Variants in APBA1 observed in about 807,000 individuals in gnomAD.
APBA1 encodes the protein amyloid-beta A4 precursor protein-binding family A member 1.
A neutral mutation model predicts 86.6 loss-of-function variants in APBA1; 55 were observed. The observed-to-expected ratio is 0.64, with a 90% CI of 0.51 to 0.80. The LOEUF (loss-of-function observed/expected upper bound fraction) is 0.80, where lower values mean the gene tolerates loss of function less well. Among genes scored for constraint, APBA1 ranks in the 30% least tolerant of loss-of-function variants. The pLI, the probability that APBA1 is intolerant of heterozygous loss-of-function variation, is 0.00. For synonymous variants in APBA1, 511 were observed against 493.9 expected, an observed-to-expected ratio of 1.03 and a Z score of -0.46; for missense variants, 1,090 against 1,183.0, an observed-to-expected ratio of 0.92 and a Z score of 1.15.
intron 1 of APBA1, among the ~76,000 whole-genome samples, chr9:69,540,695 C>T (rs1836591919): frequency 6.6e-6 from 1 of 152,152 alleles, no homozygotes; most frequent in Admixed American, 6.5e-5. Context: ...GATCTCCTGG[C>T]TCAAGCGGTT....
intron 1 of APBA1, among the ~76,000 whole-genome samples, chr9:69,644,345 T>G (rs1390929223): frequency 6.6e-6 from 1 of 152,182 alleles, no homozygotes; most frequent in Non-Finnish European, 1.5e-5. Context: ...AGTCCATATA[T>G]CTCCACTGAT....
chr9:69,502,893 C>G (rs1049405647), intron 2 of APBA1, among the ~76,000 whole-genome samples: 2 of 152,094 alleles, frequency 1.3e-5, no homozygotes, highest in African/African-American at 2.4e-5. Context: ...CTCCTGAACT[C>G]TTCAGATTTT....
In APBA1 at chr9:69,431,323, G is replaced by A. The variant is rs369787391; in HGVS notation, c.*4C>T. 298 of 1,600,038 alleles carry A rather than the reference G, an allele frequency of 1.9e-4. 2 individuals carry two copies. Among genetic ancestry groups the A allele is most frequent in the South Asian group, 9.9e-4 (88 of 88,944 alleles). On this transcript the variant is annotated 3_prime_UTR_variant, in exon 13 of 13. Coordinates refer to ENST00000265381, the MANE Select transcript of APBA1 (RefSeq NM_001163.4). Reference sequence around the variant, plus strand: ...TCCATGCATGCCACCGCGTGTGGCCGCGGTCAGATGTAAACAGGCTGCTCC... The same window carrying A: ...TCCATGCATGCCACCGCGTGTGGCCACGGTCAGATGTAAACAGGCTGCTCC...
intron 5 of APBA1, 106 bp from the exon 6 acceptor site, chr9:69,458,294 A>G: frequency 1.0e-6 from 1 of 996,536 alleles, no homozygotes; most frequent in South Asian, 2.0e-5. Context: ...AGTGGCATAA[A>G]GCGTTTCTGT....
At chr9:69,446,154 G>A (rs907244187) in intron 10 of APBA1, among the ~76,000 whole-genome samples, 1 of 152,190 alleles carries the variant, frequency 6.6e-6, no homozygotes, top group Non-Finnish European at 1.5e-5. Context: ...CAGGCAAAAA[G>A]GGGTGTGTTT....
intron 1 of APBA1, among the ~76,000 whole-genome samples, chr9:69,610,460 A>T (rs185386530): frequency 7.9e-5 from 12 of 152,264 alleles, no homozygotes; most frequent in Non-Finnish European, 1.3e-4. Flanking sequence ...CAGAATTTAC[A>T]TTTTGTCAGG....
chr9:69,551,013 T>G (rs1836776453), intron 1 of APBA1, among the ~76,000 whole-genome samples: 1 of 152,168 alleles, frequency 6.6e-6, no homozygotes. Flanking sequence ...TAAAACCTTA[T>G]CAGGAGCGTG....
chr9:69,619,719 A>T lies in APBA1; in HGVS notation c.-70+52434T>A, dbSNP rs116137099. Among the ~76,000 whole-genome samples the T allele has an allele frequency of 6.0e-3, 914 of 152,336 alleles. 6 individuals are homozygous for T. Among genetic ancestry groups the T allele is most frequent in the African/African-American group, 0.021 (860 of 41,570 alleles). ...CTGCTTAAACAATAAAACCTGCCTTATGAGAAAGTTTGAGCATAACACAGA... is the reference window on the plus strand; with the variant it reads ...CTGCTTAAACAATAAAACCTGCCTTTTGAGAAAGTTTGAGCATAACACAGA... On this transcript the variant is annotated intron_variant, in intron 1 of 12. Transcript: ENST00000265381.
chr9:69,667,549 A>G (rs1234113633), intron 1 of APBA1, among the ~76,000 whole-genome samples: 1 of 149,804 alleles, frequency 6.7e-6, no homozygotes, highest in Non-Finnish European at 1.5e-5. Flanking sequence ...TCTGTCTCAA[A>G]AGAATCCTTC....
At chr9:69,612,046 T>G (rs1403138752) in intron 1 of APBA1, among the ~76,000 whole-genome samples, 2 of 152,150 alleles carry the variant, frequency 1.3e-5, no homozygotes, top group African/African-American at 4.8e-5. Flanking sequence ...CTATATATTT[T>G]AAGGTCATAC....
At chr9:69,581,728 C>T (rs1821916285) in intron 1 of APBA1, among the ~76,000 whole-genome samples, 1 of 152,146 alleles carries the variant, frequency 6.6e-6, no homozygotes, top group Non-Finnish European at 1.5e-5. Flanking sequence ...TGAGGAAGAG[C>T]AGATCTGAAT....
At chr9:69,508,782 AC>A (rs1462998719) in intron 2 of APBA1, among the ~76,000 whole-genome samples, 1 of 90,648 alleles carries the variant, frequency 1.1e-5, no homozygotes, top group Non-Finnish European at 2.2e-5. Flanking sequence ...AAACCGCTCA[AC>A]TACATGGAAA....
intron 1 of APBA1, among the ~76,000 whole-genome samples, chr9:69,604,338 A>G (rs1430044564): frequency 7.8e-6 from 1 of 127,868 alleles, no homozygotes; most frequent in Non-Finnish European, 1.6e-5. Context: ...ATGCACACAC[A>G]TGAGGGTAAG....
At chr9:69,498,210 T>C (rs1006391766) in intron 2 of APBA1, among the ~76,000 whole-genome samples, 1 of 152,096 alleles carries the variant, frequency 6.6e-6, no homozygotes, top group African/African-American at 2.4e-5. Context: ...TCCTGCATAC[T>C]TTATGAAGCA....
At position 69,530,393 on chromosome 9, in the gene APBA1, A is replaced by G. The variant is rs529954806; in HGVS notation, c.-69-13114T>C. ...ATGGAATACTATGCAGCCATAAAAAAGAATGAAATCATATTCTTTGTAGCA... is the reference window on the plus strand; with the variant it reads ...ATGGAATACTATGCAGCCATAAAAAGGAATGAAATCATATTCTTTGTAGCA... On this transcript the variant is annotated intron_variant, in intron 1 of 12. Transcript: ENST00000265381. 3.9e-5 allele frequency among the ~76,000 whole-genome samples: 6 copies of G among 151,910 alleles called. No individual in the cohort carries two copies. The South Asian group carries it at 1.2e-3, about 32-fold the overall frequency.
chr9:69,594,752 T>C (rs1206791023), intron 1 of APBA1, among the ~76,000 whole-genome samples: 1 of 152,142 alleles, frequency 6.6e-6, no homozygotes, highest in African/African-American at 2.4e-5. Flanking sequence ...CCATCCAACA[T>C]TTGTAGTTCT....
At chr9:69,526,815 C>A (rs908150979) in intron 1 of APBA1, among the ~76,000 whole-genome samples, 5 of 152,056 alleles carry the variant, frequency 3.3e-5, no homozygotes, top group African/African-American at 1.2e-4. Flanking sequence ...GACATGGAAC[C>A]AACCTAGGTG....
At chr9:69,496,503 G>A (rs781736440) in intron 2 of APBA1, among the ~76,000 whole-genome samples, 39 of 152,152 alleles carry the variant, frequency 2.6e-4, no homozygotes, top group Admixed American at 5.9e-4. Context: ...AGTGGGAAAC[G>A]GGGCCAGAGA....
intron 1 of APBA1, among the ~76,000 whole-genome samples, chr9:69,552,431 G>A (rs7864493): frequency 0.33 from 50,927 of 152,030 alleles, 9,226 homozygotes; most frequent in African/African-American, 0.47. Context: ...GAGTTCAAAT[G>A]CACACTCACA....
Sources: gnomAD v4.1 joint callset for allele counts (sites outside exome capture counted in the v4.1 genomes callset) on GRCh38, gnomAD v4.1.1 for gene constraint, MANE v1.5 for transcripts, NCBI Gene and HGNC (gene_info 2026-07-23, HGNC 2026-07-21) for gene names.